CDH6: variants seen among roughly 807,000 people sequenced by gnomAD.
CDH6 encodes the protein cadherin-6.
Under a neutral mutation model 78.0 loss-of-function variants are expected in CDH6, and 31 were observed. The observed-to-expected ratio is 0.40, with a 90% CI of 0.30 to 0.54. The LOEUF (loss-of-function observed/expected upper bound fraction) is 0.54, where lower values mean the gene tolerates loss of function less well. CDH6 is among the 20% of genes least tolerant of loss of function. The probability of loss-of-function intolerance (pLI) is 0.56; values close to 1 mark genes in which losing one functional copy is unlikely to be tolerated. For missense variants in CDH6, 724 were observed against 975.9 expected (o/e 0.74, Z 3.44); for synonymous variants, 376 against 368.8 (o/e 1.02, Z -0.23).
rs747042073 is a variant in CDH6, at chr5:31,323,440, G to T, written c.*132G>T. On this transcript the variant is annotated 3_prime_UTR_variant, in exon 12 of 12. Transcript: ENST00000265071. ...AAAGCCAATGGCTGCAGTCCGTGTG[G>T]ATCCAATGTTAGAGACTTTTTTCTA... 1.0e-5 allele frequency: 11 copies of T among 1,065,552 alleles called. No individual in the cohort carries two copies. Among genetic ancestry groups the T allele is most frequent in the Non-Finnish European group, 1.5e-5 (11 of 745,048 alleles). 66.0% of individuals were successfully genotyped at this position (1,065,552 alleles called of 1,614,324 possible).
At chr5:31,297,988 A>G (rs1411534378) in intron 4 of CDH6, among the ~76,000 whole-genome samples, 1 of 152,190 alleles carries the variant, frequency 6.6e-6, no homozygotes, top group Non-Finnish European at 1.5e-5. Flanking sequence ...TCAGAGCATG[A>G]GTGAAAAATA....
chr5:31,229,261 A>G (rs554601267), intron 1 of CDH6, among the ~76,000 whole-genome samples: 80 of 152,340 alleles, frequency 5.3e-4, no homozygotes, highest in Middle Eastern at 3.4e-3. Flanking sequence ...TTTGACTCCA[A>G]ATCTGGTGCT....
chr5:31,316,364 A>T, intron 9 of CDH6, 35 bp downstream of exon 9: 1 of 1,577,666 alleles, frequency 6.3e-7, no homozygotes, highest in South Asian at 1.1e-5. Flanking sequence ...CAAGTTGAAC[A>T]TCAGATTAAT....
chr5:31,194,102 C>A (rs1278821882), intron 1 of CDH6, among the ~76,000 whole-genome samples: 1 of 151,936 alleles, frequency 6.6e-6, no homozygotes, highest in Non-Finnish European at 1.5e-5. Context: ...GGACCGACGC[C>A]GCTTCCCGGG....
chr5:31,302,789 AGAGAGAGAG>A (rs1561065872), intron 6 of CDH6, among the ~76,000 whole-genome samples: 2 of 87,318 alleles, frequency 2.3e-5, no homozygotes, highest in African/African-American at 1.1e-4. Context: ...AGAGAGAGAG[AGAGAGAGAG>A]AGAAAGAAAG....
chr5:31,290,789 T>C (rs1010020900), intron 2 of CDH6, among the ~76,000 whole-genome samples: 2 of 152,038 alleles, frequency 1.3e-5, no homozygotes, highest in Admixed American at 1.3e-4. Context: ...AAATGCACTT[T>C]GGAGGGAGGA....
chr5:31,220,116 G>T (rs1579825685), intron 1 of CDH6, among the ~76,000 whole-genome samples: 1 of 152,198 alleles, frequency 6.6e-6, no homozygotes, highest in African/African-American at 2.4e-5. Context: ...ATTAAAAACA[G>T]TTCTTTATAT....
chr5:31,285,293 T>C (rs1163042033), intron 2 of CDH6, among the ~76,000 whole-genome samples: 1 of 152,180 alleles, frequency 6.6e-6, no homozygotes, highest in Non-Finnish European at 1.5e-5. Flanking sequence ...CTCATATCGG[T>C]TGCTAAATCA....
intron 2 of CDH6, among the ~76,000 whole-genome samples, chr5:31,290,718 G>A (rs139772083): frequency 5.1e-4 from 77 of 152,260 alleles, no homozygotes; most frequent in Admixed American, 9.2e-4. Flanking sequence ...GAGGAGGAGA[G>A]TGGGGAGAAA....
At chr5:31,296,415 G>A (rs1198057024) in intron 3 of CDH6, among the ~76,000 whole-genome samples, 1 of 152,086 alleles carries the variant, frequency 6.6e-6, no homozygotes, top group Non-Finnish European at 1.5e-5. Context: ...AAGATTATTA[G>A]GCAACTGTGG....
chr5:31,203,244 T>A (rs1296020691), intron 1 of CDH6, among the ~76,000 whole-genome samples: 1 of 133,474 alleles, frequency 7.5e-6, no homozygotes, highest in South Asian at 2.3e-4. Flanking sequence ...TTTTTTTTTT[T>A]TATTTATTTT....
Position 31,325,509 on chromosome 5 carries a change from A to C in CDH6, c.*2201A>C. ...TAATCACACGATTTACTGTAAAATT[A>C]AAGAGGTCTCTATCTGTATGTTTCA... On this transcript the variant is annotated 3_prime_UTR_variant, in exon 12 of 12. Coordinates refer to ENST00000265071, the MANE Select transcript of CDH6 (RefSeq NM_004932.4). The C allele has an allele frequency of 4.3e-6, 1 of 231,218 alleles. No homozygotes were observed. The highest frequency in any genetic ancestry group is 8.6e-6 in the Non-Finnish European group (1 of 116,836). The allele number at this position is 231,218 out of a possible 1,614,324, so 14.3% of individuals were successfully genotyped here. A position where few individuals can be genotyped will look rare whatever the true frequency, so the allele number is the denominator to read the frequency against.
rs1014859554 is a variant in CDH6 at position 31,326,837 on chromosome 5, A to C, written c.*3529A>C. 1 of 157,706 alleles carries C rather than the reference A, an allele frequency of 6.3e-6. No homozygotes were observed. Among genetic ancestry groups the C allele is most frequent in the South Asian group, 2.1e-4 (1 of 4,842 alleles). 9.8% of individuals were successfully genotyped at this position (157,706 alleles called of 1,614,324 possible). On this transcript the variant is annotated 3_prime_UTR_variant, in exon 12 of 12. Coordinates refer to ENST00000265071, the MANE Select transcript of CDH6 (RefSeq NM_004932.4). Reference sequence around the variant, plus strand: ...GCCCCCAGTAGCTGGGACTACAGGCACACACCACCACGCCCGGCTAATTTT... The same window carrying C: ...GCCCCCAGTAGCTGGGACTACAGGCCCACACCACCACGCCCGGCTAATTTT...
intron 7 of CDH6, among the ~76,000 whole-genome samples, chr5:31,307,342 C>T (rs919015366): frequency 5.9e-5 from 9 of 152,290 alleles, no homozygotes; most frequent in African/African-American, 2.2e-4. Flanking sequence ...CCCAGTTGAG[C>T]CTTTGTTCAA....
At chr5:31,253,861 T>G (rs1403913070) in intron 1 of CDH6, among the ~76,000 whole-genome samples, 1 of 152,018 alleles carries the variant, frequency 6.6e-6, no homozygotes, top group Non-Finnish European at 1.5e-5. Flanking sequence ...AATGAAATTG[T>G]TAATATTGAC....
intron 5 of CDH6, 119 bp downstream of exon 5, chr5:31,299,750 G>T: frequency 1.3e-6 from 1 of 799,298 alleles, no homozygotes; most frequent in South Asian, 1.8e-5. Context: ...AGAAGAACTG[G>T]TACTTTTATT....
chr5:31,286,363 A>T (rs1743012370), intron 2 of CDH6, among the ~76,000 whole-genome samples: 2 of 152,194 alleles, frequency 1.3e-5, no homozygotes, highest in African/African-American at 4.8e-5. Flanking sequence ...CCAGCAGCTT[A>T]AGGAAGGCTT....
chr5:31,241,296 A>G (rs1741594970), intron 1 of CDH6, among the ~76,000 whole-genome samples: 1 of 149,060 alleles, frequency 6.7e-6, no homozygotes, highest in South Asian at 2.2e-4. Context: ...CAGTTTCCTA[A>G]GATGATAGAC....
At chr5:31,205,270 C>G (rs1740484043) in intron 1 of CDH6, among the ~76,000 whole-genome samples, 1 of 152,202 alleles carries the variant, frequency 6.6e-6, no homozygotes, top group African/African-American at 2.4e-5. Context: ...ACTTTTCTAT[C>G]TCATGCTAAC....
Sources: allele counts gnomAD v4.1 joint callset (sites outside exome capture counted in the v4.1 genomes callset), GRCh38; gene constraint gnomAD v4.1.1; transcripts MANE v1.5; gene names NCBI Gene and HGNC (gene_info 2026-07-23, HGNC 2026-07-21).